The following TSHZ2 variants were observed in gnomAD, a reference collection of about 807,000 sequenced individuals.
TSHZ2 encodes teashirt zinc finger homeobox 2, also known as teashirt homolog 2.
In TSHZ2, 21 loss-of-function variants were observed where a neutral mutation model predicts 74.4. That is an observed-to-expected ratio of 0.28 (90% CI 0.20 to 0.41). TSHZ2 has a LOEUF of 0.41. Among genes scored for constraint, TSHZ2 ranks in the 10% least tolerant of loss-of-function variants. TSHZ2 has a pLI of 1.00. For missense variants in TSHZ2, 1,244 were observed against 1,293.5 expected (o/e 0.96, Z 0.59); for synonymous variants, 540 against 515.3 (o/e 1.05, Z -0.65).
At chr20:53,154,314 ATG>A (rs1203974638) in intron 1 of TSHZ2, among the ~76,000 whole-genome samples, 2 of 146,226 alleles carry the variant, frequency 1.4e-5, no homozygotes, top group Admixed American at 7.0e-5. Context: ...TAAGAAGTAA[ATG>A]TTTTTTTAAC....
intron 2 of TSHZ2, among the ~76,000 whole-genome samples, chr20:53,292,611 AT>A (rs904106708): frequency 4.0e-5 from 6 of 151,758 alleles, no homozygotes; most frequent in African/African-American, 1.2e-4. Context: ...CCATGGCCAG[AT>A]TTTTTTTAAT....
In TSHZ2 at chr20:53,470,809, T is replaced by C. The variant is rs536320880; in HGVS notation, c.*9-16335T>C. Among the ~76,000 whole-genome samples, 293 of 144,642 alleles carry C rather than the reference T, an allele frequency of 2.0e-3. 1 individual carries two copies. Among genetic ancestry groups the C allele is most frequent in the Non-Finnish European group, 3.4e-3 (222 of 66,182 alleles). The allele number at this position is 144,642 out of a possible 152,430, so 94.9% of individuals were successfully genotyped here. A position where few individuals can be genotyped will look rare whatever the true frequency, so the allele number is the denominator to read the frequency against. On this transcript the variant is annotated intron_variant, in intron 2 of 2. Transcript: ENST00000371497. ...GCCTGGATGATAGAGCAAAAATCCA[T>C]CTCAAAAAAAATAAATAAATAAAAC...
At chr20:53,317,771 C>T (rs761079429) in intron 2 of TSHZ2, among the ~76,000 whole-genome samples, 9 of 152,254 alleles carry the variant, frequency 5.9e-5, no homozygotes, top group African/African-American at 9.6e-5. Context: ...AGGACATTGC[C>T]GATCAAAAAC....
chr20:53,319,878 T>TGA (rs1191798326), intron 2 of TSHZ2, among the ~76,000 whole-genome samples: 9 of 152,226 alleles, frequency 5.9e-5, no homozygotes, highest in Non-Finnish European at 1.3e-4. Context: ...ATGTCACAGC[T>TGA]GAGAGAGAGA....
At chr20:53,323,563 CTTTTTTTTTTTTTTTTTTT>C (rs34687825) in intron 2 of TSHZ2, among the ~76,000 whole-genome samples, 2 of 36,664 alleles carry the variant, frequency 5.5e-5, no homozygotes, top group African/African-American at 1.2e-4. Context: ...CCTTGGAGGG[CTTTTTTTTTTTTTTTTTTT>C]TTTTTTTTTT....
chr20:53,067,886 C>T (rs956453098), intron 1 of TSHZ2, among the ~76,000 whole-genome samples: 3 of 152,200 alleles, frequency 2.0e-5, no homozygotes, highest in African/African-American at 7.2e-5. Context: ...AAGGTGTTGG[C>T]ATGGCATTGC....
chr20:53,375,402 A>G (rs529417729), intron 2 of TSHZ2, among the ~76,000 whole-genome samples: 173 of 152,342 alleles, frequency 1.1e-3, no homozygotes, highest in Non-Finnish European at 8.5e-4. Context: ...GAGGAGATGA[A>G]ATGACAGGAT....
At chr20:53,029,128 G>A (rs952509419) in intron 1 of TSHZ2, among the ~76,000 whole-genome samples, 1 of 152,126 alleles carries the variant, frequency 6.6e-6, no homozygotes, top group African/African-American at 2.4e-5. Flanking sequence ...TGTAAGTATT[G>A]TTCAGGTTTC....
At chr20:53,329,004 T>C (rs1302668249) in intron 2 of TSHZ2, among the ~76,000 whole-genome samples, 2 of 152,216 alleles carry the variant, frequency 1.3e-5, no homozygotes, top group African/African-American at 4.8e-5. Context: ...TTCAGGACTT[T>C]AGCCAAGAAT....
intron 1 of TSHZ2, among the ~76,000 whole-genome samples, chr20:53,022,168 T>C (rs1247304406): frequency 6.6e-6 from 1 of 152,176 alleles, no homozygotes; most frequent in African/African-American, 2.4e-5. Flanking sequence ...TCACAGAGCC[T>C]TTGTTCTCTA....
At chr20:53,191,734 C>A (rs1473806128) in intron 1 of TSHZ2, among the ~76,000 whole-genome samples, 1 of 152,184 alleles carries the variant, frequency 6.6e-6, no homozygotes, top group Admixed American at 6.5e-5. Context: ...CACTTGTTCC[C>A]CAGCACTGAT....
chr20:53,321,191 CA>C (rs1317880405), intron 2 of TSHZ2, among the ~76,000 whole-genome samples: 1 of 152,168 alleles, frequency 6.6e-6, no homozygotes, highest in African/African-American at 2.4e-5. Flanking sequence ...TTTTATTACA[CA>C]ATGTTCATAG....
intron 2 of TSHZ2, among the ~76,000 whole-genome samples, chr20:53,318,353 A>C (rs1419677316): frequency 6.6e-6 from 1 of 152,202 alleles, no homozygotes; most frequent in African/African-American, 2.4e-5. Flanking sequence ...CAAACCTTCC[A>C]GAATTCCACG....
At chr20:52,980,651 G>A (rs1294328324) in intron 1 of TSHZ2, among the ~76,000 whole-genome samples, 1 of 152,138 alleles carries the variant, frequency 6.6e-6, no homozygotes, top group Non-Finnish European at 1.5e-5. Context: ...GTTACGAAGG[G>A]CAGAATGAGA....
chr20:53,308,230 A>C (rs1282690163), intron 2 of TSHZ2, among the ~76,000 whole-genome samples: 3 of 152,220 alleles, frequency 2.0e-5, no homozygotes, highest in Non-Finnish European at 4.4e-5. Context: ...GAAGACAGAC[A>C]GAGAGCAGCA....
intron 2 of TSHZ2, among the ~76,000 whole-genome samples, chr20:53,469,239 G>T (rs1985678833): frequency 6.6e-6 from 1 of 151,126 alleles, no homozygotes; most frequent in Non-Finnish European, 1.5e-5. Flanking sequence ...ATGCATATGT[G>T]GTGGATCAAA....
chr20:53,279,000 G>A (rs188953765), intron 2 of TSHZ2, among the ~76,000 whole-genome samples: 71 of 152,282 alleles, frequency 4.7e-4, no homozygotes, highest in African/African-American at 1.5e-3. Flanking sequence ...TGTTATATGC[G>A]TTATATACAA....
chr20:53,437,092 T>C (rs1407999906), intron 2 of TSHZ2, among the ~76,000 whole-genome samples: 1 of 152,236 alleles, frequency 6.6e-6, no homozygotes, highest in African/African-American at 2.4e-5. Flanking sequence ...CTCCAGAATA[T>C]TCTCTCACGT....
intron 2 of TSHZ2, among the ~76,000 whole-genome samples, chr20:53,358,729 T>C (rs1301185804): frequency 6.6e-6 from 1 of 152,212 alleles, no homozygotes; most frequent in Non-Finnish European, 1.5e-5. Flanking sequence ...AAATGGCAAG[T>C]TAGATTTATT....
Sources: allele counts gnomAD v4.1 joint callset (sites outside exome capture counted in the v4.1 genomes callset), GRCh38; gene constraint gnomAD v4.1.1; transcripts MANE v1.5; gene names NCBI Gene and HGNC (gene_info 2026-07-23, HGNC 2026-07-21).